Variants in KIAA1671 observed in about 807,000 individuals in gnomAD.
KIAA1671 encodes KIAA1671, also known as uncharacterized protein KIAA1671.
Under a neutral mutation model 131.2 loss-of-function variants are expected in KIAA1671, and 52 were observed. The observed-to-expected ratio is 0.40, with a 90% CI of 0.32 to 0.50. The LOEUF (loss-of-function observed/expected upper bound fraction) is 0.50. Ranked by LOEUF, KIAA1671 falls within the 20% of genes least tolerant of loss-of-function variation. The probability of loss-of-function intolerance (pLI) is 0.73; values close to 1 mark genes in which losing one functional copy is unlikely to be tolerated. For missense variants in KIAA1671, 2,360 were observed against 2,364.2 expected (o/e 1.00, Z 0.04); for synonymous variants, 1,003 against 961.6 (o/e 1.04, Z -0.80).
chr22:25,179,130 C>T (rs912780845), intron 9 of KIAA1671, among the ~76,000 whole-genome samples: 1 of 152,032 alleles, frequency 6.6e-6, no homozygotes, highest in African/African-American at 2.4e-5. Flanking sequence ...CAGGGGAAGC[C>T]GTGGTCAGCG....
chr22:25,178,013 C>T (rs1260866215), intron 9 of KIAA1671, among the ~76,000 whole-genome samples: 1 of 152,156 alleles, frequency 6.6e-6, no homozygotes. Flanking sequence ...CAAGGCCTCC[C>T]GCAGGATGGA....
At chr22:25,019,302 T>C (rs1349442232) in intron 1 of KIAA1671, among the ~76,000 whole-genome samples, 1 of 152,166 alleles carries the variant, frequency 6.6e-6, no homozygotes, top group East Asian at 1.9e-4. Flanking sequence ...GAAGTTGTAA[T>C]AGGACCTGCC....
At chr22:25,153,814 TCAGAGAAGTG>T (rs1933131280) in intron 6 of KIAA1671, among the ~76,000 whole-genome samples, 1 of 152,160 alleles carries the variant, frequency 6.6e-6, no homozygotes, top group Non-Finnish European at 1.5e-5. Flanking sequence ...CCTTGACGAA[TCAGAGAAGTG>T]CAGTCCCTGC....
rs561506928 is a variant in KIAA1671 at position 24,983,828 on chromosome 22, G to C, written c.-208+31056G>C. 2.7e-5 allele frequency among the ~76,000 whole-genome samples: 4 copies of C among 150,702 alleles called. No homozygotes were observed. In the East Asian group the frequency reaches 7.8e-4, roughly 29 times the overall value. On this transcript the variant is annotated intron_variant, in intron 1 of 12. Transcript: ENST00000358431. ...AGTTTCACTCTTGTTGCCCAGGCTG[G>C]AGTGCAATGGTGCGATCTCGGCTCA... is the stretch of plus-strand genomic sequence containing the variant.
intron 6 of KIAA1671, among the ~76,000 whole-genome samples, chr22:25,071,719 C>T (rs1036807300): frequency 5.3e-5 from 8 of 152,086 alleles, no homozygotes; most frequent in Non-Finnish European, 8.8e-5. Context: ...AGATACAGTC[C>T]ACGGTCCCCA....
chr22:25,041,372 C>A lies in KIAA1671; in HGVS notation c.4242C>A (p.Pro1414=). ...DIKRAYSEKG[P]PANIREGLSI... The stretch of plus-strand genomic sequence containing the variant: ...AGAGGGCCTACTCAGAGAAGGGGCC[C>A]CCTGCCAACATCCGAGAGGGCCTGT... The change falls in exon 5 of 13, where the codon CCC becomes CCA. Residue 1414 remains proline, a synonymous_variant. Coordinates refer to ENST00000358431, the MANE Select transcript of KIAA1671 (RefSeq NM_001145206.2). 6.4e-7 allele frequency: 1 copy of A among 1,551,722 alleles called. No individual in the cohort carries two copies. The highest frequency in any genetic ancestry group is 8.7e-7 in the Non-Finnish European group (1 of 1,146,990).
chr22:25,082,694 G>C (rs974330245), intron 6 of KIAA1671, among the ~76,000 whole-genome samples: 1 of 152,018 alleles, frequency 6.6e-6, no homozygotes, highest in Non-Finnish European at 1.5e-5. Flanking sequence ...TTAGCTGGGC[G>C]TGGAGGTGCA....
At chr22:25,021,287 G>T (rs915736187) in intron 1 of KIAA1671, among the ~76,000 whole-genome samples, 2 of 148,236 alleles carry the variant, frequency 1.3e-5, no homozygotes, top group South Asian at 4.4e-4. Context: ...TTGAACTCCT[G>T]GGCTCAAGTG....
intron 3 of KIAA1671, among the ~76,000 whole-genome samples, chr22:25,030,634 T>C (rs1171541187): frequency 6.6e-6 from 1 of 152,256 alleles, no homozygotes; most frequent in Non-Finnish European, 1.5e-5. Context: ...TGTTCTAAGT[T>C]AGTTAATAAT....
intron 6 of KIAA1671, among the ~76,000 whole-genome samples, chr22:25,135,631 GA>G (rs1932643454): frequency 6.6e-6 from 1 of 152,186 alleles, no homozygotes; most frequent in African/African-American, 2.4e-5. Flanking sequence ...CTTAATTGGG[GA>G]AATATGACCT....
chr22:25,039,022 G>T lies in KIAA1671; in HGVS notation c.1892G>T (p.Cys631Phe). Residue 631 changes from cysteine to phenylalanine, a missense_variant, in exon 5 of 13, where the codon TGT (cysteine) becomes TTT (phenylalanine). Transcript: ENST00000358431. ...ACAGTGGCTGACCAGTCGGGACGTT[G>T]TCTCTCCACCACACCCCCTGGTGAC... ...RHTVADQSGR[C>F]LSTTPPGDMA... The T allele has an allele frequency of 6.4e-7, 1 of 1,551,710 alleles. No homozygotes were observed. Among genetic ancestry groups the T allele is most frequent in the Non-Finnish European group, 8.7e-7 (1 of 1,147,030 alleles).
Position 25,174,281 on chromosome 22 carries a change from G to A in KIAA1671, c.4691G>A (p.Arg1564Lys). ...ESPDSSATST[R>K]KQPPSSRLSS... ...CCAGATAGCAGTGCCACATCGACAA[G>A]GAAACAGCCCCCCAGCAGCCGTTTG... is the stretch of plus-strand genomic sequence containing the variant. Residue 1564 changes from arginine to lysine, a missense_variant, in exon 8 of 13, where the codon AGG (arginine) becomes AAG (lysine). Arg to Lys is a conservative substitution (Grantham distance 26). This residue lies in a region of KIAA1671 where 1,161 missense variants were observed against 1,204.7 expected (regional missense o/e 0.96). Coordinates refer to ENST00000358431, the MANE Select transcript of KIAA1671 (RefSeq NM_001145206.2). 6 of 1,551,696 alleles carry A rather than the reference G, an allele frequency of 3.9e-6. No individual in the cohort carries two copies. The South Asian group carries it at 7.1e-5, about 18-fold the overall frequency.
chr22:25,142,246 C>CT (rs1434019460), intron 6 of KIAA1671, among the ~76,000 whole-genome samples: 1 of 152,188 alleles, frequency 6.6e-6, no homozygotes, highest in East Asian at 1.9e-4. Context: ...GGTTGATACT[C>CT]TTAATTCGTG....
At chr22:25,140,654 T>A (rs1932794070) in intron 6 of KIAA1671, among the ~76,000 whole-genome samples, 2 of 152,046 alleles carry the variant, frequency 1.3e-5, no homozygotes, top group South Asian at 4.2e-4. Context: ...CACCTCGGGG[T>A]CTGTCAGCCA....
intron 6 of KIAA1671, among the ~76,000 whole-genome samples, chr22:25,075,867 C>T (rs970280178): frequency 6.6e-6 from 1 of 151,766 alleles, no homozygotes; most frequent in Non-Finnish European, 1.5e-5. Flanking sequence ...CCTCCTCCTC[C>T]CGGGTTCAAG....
At chr22:25,103,135 G>A (rs563157247) in intron 6 of KIAA1671, among the ~76,000 whole-genome samples, 2 of 152,124 alleles carry the variant, frequency 1.3e-5, no homozygotes, top group Non-Finnish European at 2.9e-5. Context: ...AAGGCTTTGG[G>A]ATCAGACAGG....
chr22:24,970,850 A>G (rs1402809706), intron 1 of KIAA1671, among the ~76,000 whole-genome samples: 1 of 152,108 alleles, frequency 6.6e-6, no homozygotes, highest in African/African-American at 2.4e-5. Flanking sequence ...GATCTAGTAT[A>G]TTTATAACAG....
At chr22:24,987,471 T>G (rs1923615184) in intron 1 of KIAA1671, among the ~76,000 whole-genome samples, 1 of 151,954 alleles carries the variant, frequency 6.6e-6, no homozygotes, top group Non-Finnish European at 1.5e-5. Context: ...GCGCCTGGCC[T>G]ATTATTATTT....
intron 6 of KIAA1671, among the ~76,000 whole-genome samples, chr22:25,165,266 G>T (rs1337460165): frequency 6.6e-6 from 1 of 152,172 alleles, no homozygotes; most frequent in African/African-American, 2.4e-5. Flanking sequence ...TTAAAGAGCA[G>T]AGAATGCAGT....
Sources: allele counts gnomAD v4.1 joint callset (sites outside exome capture counted in the v4.1 genomes callset), GRCh38; gene constraint gnomAD v4.1.1; regional missense constraint gnomAD v4.1.1; transcripts MANE v1.5; gene names NCBI Gene and HGNC (gene_info 2026-07-23, HGNC 2026-07-21).